The following MMAA variants were observed in gnomAD, a reference collection of about 807,000 sequenced individuals.
MMAA encodes the protein metabolism of cobalamin associated A, also known as methylmalonic aciduria type A protein, mitochondrial.
A neutral mutation model predicts 45.0 loss-of-function variants in MMAA; 41 were observed. That is an observed-to-expected ratio of 0.91 (90% CI 0.71 to 1.18). The LOEUF (loss-of-function observed/expected upper bound fraction) is 1.18. MMAA is among the 50% of genes most tolerant of loss of function. The pLI is 0.00. For missense variants in MMAA, 460 were observed against 495.7 expected, an observed-to-expected ratio of 0.93 and a Z score of 0.68; for synonymous variants, 154 against 178.2, an observed-to-expected ratio of 0.86 and a Z score of 1.08.
Position 145,659,776 on chromosome 4 carries a change from A to G in MMAA, c.*4342A>G, listed in dbSNP as rs1451001283. ...TCAAATCGGAGTACTTAGCATATCT[A>G]TCATCTCGTGCATTTATCATTTCTT... On this transcript the variant is annotated 3_prime_UTR_variant, in exon 7 of 7. Coordinates refer to ENST00000649156, the MANE Select transcript of MMAA (RefSeq NM_172250.3). 2.0e-5 allele frequency: 3 copies of G among 152,192 alleles called. No individual in the cohort carries two copies. Among genetic ancestry groups the G allele is most frequent in the Non-Finnish European group, 2.9e-5 (2 of 68,036 alleles). 9.4% of individuals were successfully genotyped at this position (152,192 alleles called of 1,614,324 possible).
At chr4:145,632,267 A>G (rs1326980029) in intron 1 of MMAA, among the ~76,000 whole-genome samples, 2 of 152,226 alleles carry the variant, frequency 1.3e-5, no homozygotes, top group Admixed American at 6.5e-5. Flanking sequence ...TTCACTGGAT[A>G]TACTATTCTA....
chr4:145,639,652 C>T (rs1727728292), intron 2 of MMAA, 74 bp downstream of exon 2: 2 of 1,523,082 alleles, frequency 1.3e-6, no homozygotes, highest in Admixed American at 2.2e-5. Context: ...AAAAAAAAGT[C>T]TAAATAGTTT....
chr4:145,636,490 A>G (rs1432246026), intron 1 of MMAA, among the ~76,000 whole-genome samples: 3 of 152,130 alleles, frequency 2.0e-5, no homozygotes, highest in African/African-American at 7.2e-5. Flanking sequence ...TAATTTCTTG[A>G]CCTCAGTTTA....
chr4:145,645,427 T>C (rs995787760), intron 3 of MMAA, among the ~76,000 whole-genome samples: 1 of 152,226 alleles, frequency 6.6e-6, no homozygotes, highest in Admixed American at 6.5e-5. Flanking sequence ...CATTCCTGTA[T>C]ATAATTACAT....
At chr4:145,651,178 A>T in intron 5 of MMAA, 31 bp downstream of exon 5, 1 of 1,547,140 alleles carries the variant, frequency 6.5e-7, no homozygotes, top group Non-Finnish European at 8.9e-7. Flanking sequence ...CCCCAAAAAT[A>T]TAAAATGTAT....
intron 1 of MMAA, among the ~76,000 whole-genome samples, chr4:145,630,012 G>A (rs1389723960): frequency 1.3e-5 from 2 of 151,928 alleles, no homozygotes; most frequent in Non-Finnish European, 2.9e-5. Context: ...GAGTAATACT[G>A]GCCTCATATA....
chr4:145,624,115 G>A (rs776162045), intron 1 of MMAA: 10 of 1,123,392 alleles, frequency 8.9e-6, no homozygotes, highest in Non-Finnish European at 1.1e-5. Context: ...AGCTCATGAT[G>A]TGTGATAATC....
At chr4:145,624,493 T>C (rs553046141) in intron 1 of MMAA, 1 of 975,668 alleles carries the variant, frequency 1.0e-6, no homozygotes, top group Non-Finnish European at 1.6e-6. Flanking sequence ...CTTCCTTCTT[T>C]GTATGGGGGC....
intron 1 of MMAA, among the ~76,000 whole-genome samples, chr4:145,630,714 G>A (rs1455653534): frequency 6.6e-6 from 1 of 151,946 alleles, no homozygotes; most frequent in Non-Finnish European, 1.5e-5. Flanking sequence ...GGCAACAAGA[G>A]CAAAACTCCA....
At chr4:145,644,622 C>G (rs1727877392) in intron 3 of MMAA, among the ~76,000 whole-genome samples, 1 of 152,142 alleles carries the variant, frequency 6.6e-6, no homozygotes, top group Non-Finnish European at 1.5e-5. Flanking sequence ...TGATGTTTGT[C>G]AAAATATTAT....
intron 3 of MMAA, 140 bp from the exon 4 acceptor site, chr4:145,645,846 G>C (rs1727915272): frequency 4.1e-6 from 3 of 733,924 alleles, no homozygotes; most frequent in African/African-American, 1.7e-5. Context: ...TGTATACAAT[G>C]AGTTGGAGAG....
chr4:145,632,805 T>C (rs1727491731), intron 1 of MMAA, among the ~76,000 whole-genome samples: 1 of 151,806 alleles, frequency 6.6e-6, no homozygotes, highest in Non-Finnish European at 1.5e-5. Flanking sequence ...TCACCCAGGC[T>C]GGAGTGTAGT....
rs2126622891 is a variant in MMAA, at chr4:145,646,114, T to C, written c.691T>C (p.Cys231Arg). 6.2e-7 allele frequency: 1 copy of C among 1,614,092 alleles called. No individual in the cohort carries two copies. The highest frequency in any genetic ancestry group is 8.5e-7 in the Non-Finnish European group (1 of 1,179,952). The change falls in exon 4 of 7, where the codon TGT (cysteine) becomes CGT (arginine). Residue 231 changes from cysteine to arginine, a missense_variant. By Grantham distance (180) the Cys-to-Arg change is radical. Transcript: ENST00000649156. ...TRTTNEAILL[C>R]EGAGYDIILI... ...GACCACAAATGAAGCTATTCTGTTG[T>C]GTGAAGGAGCGGGATATGACATAAT... is the stretch of plus-strand genomic sequence containing the variant.
intron 1 of MMAA, among the ~76,000 whole-genome samples, chr4:145,630,941 A>G (rs1734324501): frequency 6.6e-6 from 1 of 152,134 alleles, no homozygotes; most frequent in Admixed American, 6.5e-5. Context: ...TTTAATTTCC[A>G]TATATTTGTA....
chr4:145,619,930 C>T (rs1217820154), intron 1 of MMAA, among the ~76,000 whole-genome samples: 1 of 152,116 alleles, frequency 6.6e-6, no homozygotes, highest in Non-Finnish European at 1.5e-5. Flanking sequence ...CGGGCAGGGT[C>T]TAAATCTCTT....
intron 5 of MMAA, among the ~76,000 whole-genome samples, 183 bp from the exon 6 acceptor site, chr4:145,653,811 T>C (rs1208165299): frequency 6.6e-6 from 1 of 152,242 alleles, no homozygotes; most frequent in African/African-American, 2.4e-5. Context: ...TACAGATGAC[T>C]TCTATAATTC....
At chr4:145,642,675 C>A in intron 3 of MMAA, 190 bp downstream of exon 3, 1 of 734,810 alleles carries the variant, frequency 1.4e-6, no homozygotes, top group Non-Finnish European at 2.3e-6. Context: ...TCAGAGGAGG[C>A]CAGCTTGTGG....
chr4:145,645,425 T>C (rs1399801695), intron 3 of MMAA, among the ~76,000 whole-genome samples: 1 of 152,222 alleles, frequency 6.6e-6, no homozygotes, highest in Non-Finnish European at 1.5e-5. Flanking sequence ...CACATTCCTG[T>C]ATATAATTAC....
intron 4 of MMAA, chr4:145,650,711 A>T: frequency 3.3e-6 from 1 of 299,614 alleles, no homozygotes. Flanking sequence ...GACAAAAAAG[A>T]TGAAAGTATT....
Sources: allele counts gnomAD v4.1 joint callset (sites outside exome capture counted in the v4.1 genomes callset), GRCh38; gene constraint gnomAD v4.1.1; transcripts MANE v1.5; gene names NCBI Gene and HGNC (gene_info 2026-07-23, HGNC 2026-07-21).